ANKS1B: variants seen among roughly 807,000 people sequenced by gnomAD.
ANKS1B encodes the protein ankyrin repeat and sterile alpha motif domain-containing protein 1B.
A neutral mutation model predicts 148.3 loss-of-function variants in ANKS1B; 36 were observed. The ratio of observed to expected loss-of-function variants is 0.24; its 90% CI spans 0.19 to 0.32. ANKS1B has a LOEUF of 0.32. Ranked by LOEUF, ANKS1B falls within the 10% of genes least tolerant of loss-of-function variation. The probability of loss-of-function intolerance (pLI) is 1.00; values close to 1 mark genes in which losing one functional copy is unlikely to be tolerated. For synonymous variants in ANKS1B, 542 were observed against 560.8 expected (o/e 0.97, Z 0.47); for missense variants, 1,157 against 1,542.6 (o/e 0.75, Z 4.19).
intron 17 of ANKS1B, among the ~76,000 whole-genome samples, chr12:98,887,607 C>A (rs1211671026): frequency 6.6e-6 from 1 of 151,506 alleles, no homozygotes; most frequent in Non-Finnish European, 1.5e-5. Context: ...CTGTTAAATA[C>A]AATAAAACCA....
chr12:99,801,301 A>G (rs545341758), intron 4 of ANKS1B, among the ~76,000 whole-genome samples: 60 of 152,292 alleles, frequency 3.9e-4, no homozygotes, highest in African/African-American at 1.3e-3. Context: ...CATCAAACAT[A>G]CTTCCCCCAG....
intron 12 of ANKS1B, among the ~76,000 whole-genome samples, chr12:99,317,713 T>C (rs987475937): frequency 1.3e-5 from 2 of 152,088 alleles, no homozygotes; most frequent in Non-Finnish European, 2.9e-5. Context: ...TGAATAGGAG[T>C]GGTGAGAGAG....
intron 14 of ANKS1B, among the ~76,000 whole-genome samples, chr12:99,169,071 T>C (rs186420416): frequency 1.3e-5 from 2 of 152,366 alleles, no homozygotes; most frequent in Non-Finnish European, 2.9e-5. Context: ...TTCTTCAGCA[T>C]TCACTGATTT....
chr12:99,395,611 C>T (rs1444769241), intron 12 of ANKS1B, among the ~76,000 whole-genome samples: 2 of 152,132 alleles, frequency 1.3e-5, no homozygotes, highest in Non-Finnish European at 2.9e-5. Flanking sequence ...AAATCTACTA[C>T]ATATTAATAC....
intron 19 of ANKS1B, among the ~76,000 whole-genome samples, chr12:98,826,474 A>G (rs927065090): frequency 6.6e-6 from 1 of 152,172 alleles, no homozygotes; most frequent in Non-Finnish European, 1.5e-5. Context: ...GACCTCAAGA[A>G]GGCAAAACTC....
chr12:99,508,178 G>A (rs896642138), intron 9 of ANKS1B, among the ~76,000 whole-genome samples: 1 of 151,788 alleles, frequency 6.6e-6, no homozygotes, highest in African/African-American at 2.4e-5. Context: ...CATTGTTTAA[G>A]ATTACCACAA....
chr12:99,773,720 T>C (rs1043328722), intron 7 of ANKS1B, among the ~76,000 whole-genome samples: 1 of 152,084 alleles, frequency 6.6e-6, no homozygotes, highest in African/African-American at 2.4e-5. Context: ...GCAGTTACAA[T>C]CCAGATTTTA....
At position 98,751,647 on chromosome 12, in the gene ANKS1B, C is replaced by T. The variant is rs555911932; in HGVS notation, c.3580-125G>A. ...TGAACTACTTCACCAGAGGCAGCAG[C>T]GATTCGGTGGAAATCTACAAAGAAC... On this transcript the variant is annotated intron_variant, in intron 25 of 26. Transcript: ENST00000683438. The surrounding 1 kb of genome is among the most constrained non-coding windows in gnomAD (Gnocchi z 4.3). 1.4e-5 allele frequency: 12 copies of T among 885,362 alleles called. No individual in the cohort carries two copies. Among genetic ancestry groups the T allele is most frequent in the Admixed American group, 1.3e-4 (6 of 45,400 alleles). The allele number at this position is 885,362 out of a possible 1,614,324, so 54.8% of individuals were successfully genotyped here. A position where few individuals can be genotyped will look rare whatever the true frequency, so the allele number is the denominator to read the frequency against.
In ANKS1B at chr12:99,084,126, G is replaced by A. The variant is rs552395258; in HGVS notation, c.2625+799C>T. On this transcript the variant is annotated intron_variant, in intron 16 of 26. Coordinates refer to ENST00000683438, the MANE Select transcript of ANKS1B (RefSeq NM_001352186.2). ...ATACATGAACTATAAATACATGATG[G>A]GGATGTGATACTTTGGACTTCCCTG... Among the ~76,000 whole-genome samples the A allele has an allele frequency of 1.6e-4, 25 of 152,280 alleles. No individual in the cohort carries two copies. In the South Asian group the frequency reaches 4.6e-3, roughly 28 times the overall value.
chr12:99,143,377 CAAAT>C (rs2071688969), intron 15 of ANKS1B, among the ~76,000 whole-genome samples: 4 of 152,092 alleles, frequency 2.6e-5, no homozygotes, highest in African/African-American at 7.2e-5. Flanking sequence ...CATACACTCT[CAAAT>C]GAATGGATAG....
In ANKS1B at chr12:99,623,852, G is replaced by A. The variant is rs561967308; in HGVS notation, c.1272+31215C>T. 6.2e-4 allele frequency among the ~76,000 whole-genome samples: 94 copies of A among 151,738 alleles called. 3 individuals carry two copies. The South Asian group carries it at 0.019, about 30-fold the overall frequency. ...GCCCAAAGCAATCTACATTTTCAAC[G>A]TGATTTCTACCAAACTACCAACATT... On this transcript the variant is annotated intron_variant, in intron 9 of 26. Coordinates refer to ENST00000683438, the MANE Select transcript of ANKS1B (RefSeq NM_001352186.2).
At chr12:99,018,234 T>C (rs1164554616) in intron 17 of ANKS1B, among the ~76,000 whole-genome samples, 1 of 152,202 alleles carries the variant, frequency 6.6e-6, no homozygotes, top group Non-Finnish European at 1.5e-5. Context: ...GTGGAGCCCT[T>C]GTGAATGGAA....
chr12:98,767,955 A>T (rs957303151), intron 25 of ANKS1B, among the ~76,000 whole-genome samples: 2 of 152,142 alleles, frequency 1.3e-5, no homozygotes, highest in Admixed American at 6.5e-5. Context: ...CTCTCCACTC[A>T]TTTAAGAGCA....
At chr12:99,791,610 G>T (rs775654575) in intron 4 of ANKS1B, among the ~76,000 whole-genome samples, 1 of 151,696 alleles carries the variant, frequency 6.6e-6, no homozygotes, top group Non-Finnish European at 1.5e-5. Context: ...GAGAAATTTT[G>T]GAAACTATGC....
At chr12:99,108,038 G>C (rs1022558926) in intron 15 of ANKS1B, among the ~76,000 whole-genome samples, 4 of 152,124 alleles carry the variant, frequency 2.6e-5, no homozygotes, top group African/African-American at 7.2e-5. Context: ...TAAAGAATAG[G>C]TTCATTTTCT....
At chr12:99,342,892 A>G (rs2090138088) in intron 12 of ANKS1B, among the ~76,000 whole-genome samples, 1 of 152,000 alleles carries the variant, frequency 6.6e-6, no homozygotes, top group Non-Finnish European at 1.5e-5. Context: ...AAAAATCTTT[A>G]GAAATTTGCC....
At chr12:99,767,948 AT>A (rs1020226577) in intron 8 of ANKS1B, among the ~76,000 whole-genome samples, 124 of 152,274 alleles carry the variant, frequency 8.1e-4, no homozygotes, top group African/African-American at 2.8e-3. Flanking sequence ...CGATTCAAAA[AT>A]AAAAGTTCTT....
chr12:98,789,177 T>C (rs898688339), intron 22 of ANKS1B, among the ~76,000 whole-genome samples: 1 of 152,054 alleles, frequency 6.6e-6, no homozygotes, highest in African/African-American at 2.4e-5. Context: ...ACCCCGTCTC[T>C]ACTAAAAATT....
At chr12:99,812,552 CACACACAGAGAGAGAG>C (rs1486264988) in intron 2 of ANKS1B, among the ~76,000 whole-genome samples, 34 of 86,840 alleles carry the variant, frequency 3.9e-4, no homozygotes, top group East Asian at 2.3e-3. Context: ...CACACACACA[CACACACAGAGAGAGAG>C]AGAGAGAGAA....
Sources: allele counts gnomAD v4.1 joint callset (sites outside exome capture counted in the v4.1 genomes callset), GRCh38; gene constraint gnomAD v4.1.1; non-coding constraint Gnocchi (gnomAD v3.1); transcripts MANE v1.5; gene names NCBI Gene and HGNC (gene_info 2026-07-23, HGNC 2026-07-21).